Variants in FANCD2 observed in about 807,000 individuals in gnomAD.
The protein encoded by FANCD2 is Fanconi anemia group D2 protein.
In FANCD2, 131 loss-of-function variants were observed where a neutral mutation model predicts 192.3. The ratio of observed to expected loss-of-function variants is 0.68; its 90% CI spans 0.59 to 0.79. The LOEUF is 0.79. FANCD2 is among the 30% of genes least tolerant of loss of function. The pLI is 0.00. For synonymous variants in FANCD2, 524 were observed against 612.5 expected (o/e 0.86, Z 2.13); for missense variants, 1,508 against 1,701.6 (o/e 0.89, Z 2.00).
chr3:10,041,738 A>G (rs1466723324), intron 10 of FANCD2, 28 bp downstream of exon 10: 1 of 1,540,970 alleles, frequency 6.5e-7, no homozygotes, highest in East Asian at 2.2e-5. Context: ...TTCCAGAAAC[A>G]GAGCCAGCTT....
chr3:10,060,169 A>AG, intron 18 of FANCD2, 125 bp from the exon 19 acceptor site: 2 of 546,904 alleles, frequency 3.7e-6, no homozygotes, highest in Non-Finnish European at 6.3e-6. Flanking sequence ...GTCCGTCTCA[A>AG]AAAAAAAAAA....
chr3:10,078,000 A>G, intron 29 of FANCD2, 81 bp from the exon 30 acceptor site: 2 of 1,023,766 alleles, frequency 2.0e-6, no homozygotes, highest in South Asian at 1.3e-5. Context: ...GCCACTGCAC[A>G]TTTAACAAAA....
intron 29 of FANCD2, among the ~76,000 whole-genome samples, chr3:10,077,282 C>T (rs1403875701): frequency 4.6e-5 from 7 of 152,054 alleles, no homozygotes; most frequent in Non-Finnish European, 7.4e-5. Flanking sequence ...CCCTGCTGGG[C>T]GCAGTGGCTC....
At chr3:10,084,631 T>C (rs1472336692) in intron 32 of FANCD2, among the ~76,000 whole-genome samples, 2 of 152,144 alleles carry the variant, frequency 1.3e-5, no homozygotes, top group Non-Finnish European at 2.9e-5. Flanking sequence ...ATGAAGTGTA[T>C]TGTACATCAA....
At chr3:10,035,130 C>G (rs780825044) in intron 5 of FANCD2, 43 bp from the exon 6 acceptor site, 1 of 1,524,286 alleles carries the variant, frequency 6.6e-7, no homozygotes. Flanking sequence ...AGCATTAAAA[C>G]AAGGAAAGCA....
At chr3:10,094,006 C>T (rs2125090035) in intron 39 of FANCD2, among the ~76,000 whole-genome samples, 1 of 152,294 alleles carries the variant, frequency 6.6e-6, no homozygotes, top group Non-Finnish European at 1.5e-5. Context: ...AGATAGAGCT[C>T]CCCTCTACTC....
rs1168969680 is a variant in FANCD2, at chr3:10,072,890, T to G, written c.2514T>G (p.Pro838=). The part of the protein sequence containing the change: ...KYLAVTPDYV[P]PLGNFDVETL... ...TTTCAGTCACCCCAGACTATGTCCCTCCTCTTGGAAACTTTGATGTGGAAA... is the reference window on the plus strand; with the variant it reads ...TTTCAGTCACCCCAGACTATGTCCCGCCTCTTGGAAACTTTGATGTGGAAA... Residue 838 remains proline, a synonymous_variant, in exon 27 of 44, where the codon CCT becomes CCG. Coordinates refer to ENST00000675286, the MANE Select transcript of FANCD2 (RefSeq NM_001018115.3). 6 of 1,605,772 alleles carry G rather than the reference T, an allele frequency of 3.7e-6. No individual in the cohort carries two copies. Among genetic ancestry groups the G allele is most frequent in the South Asian group, 3.3e-5 (3 of 90,904 alleles).
intron 7 of FANCD2, among the ~76,000 whole-genome samples, chr3:10,038,203 G>A (rs1356258988): frequency 1.3e-5 from 2 of 152,126 alleles, no homozygotes; most frequent in African/African-American, 4.8e-5. Context: ...TGTTGGCCAG[G>A]CTGGCCTCGA....
intron 26 of FANCD2, among the ~76,000 whole-genome samples, chr3:10,071,054 G>A (rs1459721208): frequency 7.0e-6 from 1 of 142,374 alleles, no homozygotes; most frequent in Non-Finnish European, 1.5e-5. Flanking sequence ...TTTATCTGCC[G>A]ACCTTCCCTC....
rs540862844 is a variant in FANCD2, at chr3:10,060,227, C to T, written c.1657-67C>T. The T allele has an allele frequency of 1.2e-5, 13 of 1,094,612 alleles. No individual in the cohort carries two copies. The African/African-American group carries it at 1.2e-4, about 10-fold the overall frequency. 67.8% of individuals were successfully genotyped at this position (1,094,612 alleles called of 1,614,324 possible). ...GCCTTTATAGTCTAGCTATATGGCTCGATATCCATACCTTCTTTTGCTGTG... is the reference window on the plus strand; with the variant it reads ...GCCTTTATAGTCTAGCTATATGGCTTGATATCCATACCTTCTTTTGCTGTG... On this transcript the variant is annotated intron_variant, in intron 18 of 43. Transcript: ENST00000675286.
chr3:10,057,537 G>A (rs565152570), intron 18 of FANCD2, among the ~76,000 whole-genome samples: 162 of 152,036 alleles, frequency 1.1e-3, no homozygotes, highest in African/African-American at 3.7e-3. Flanking sequence ...GTTAATTTTT[G>A]TATTTTTAGT....
chr3:10,038,115 C>T (rs35043882), intron 7 of FANCD2, among the ~76,000 whole-genome samples: 34 of 152,216 alleles, frequency 2.2e-4, no homozygotes, highest in African/African-American at 6.0e-4. Flanking sequence ...CTCAGCCCCC[C>T]GAGTAGCTGG....
intron 7 of FANCD2, among the ~76,000 whole-genome samples, chr3:10,038,879 CTT>C (rs1210415831): frequency 2.0e-5 from 3 of 152,174 alleles, no homozygotes; most frequent in Non-Finnish European, 2.9e-5. Flanking sequence ...CTGCATCTGA[CTT>C]ATGCTTGCCT....
At chr3:10,046,232 TTTAGTAGAGA>T (rs1228251953) in intron 14 of FANCD2, among the ~76,000 whole-genome samples, 4 of 151,940 alleles carry the variant, frequency 2.6e-5, no homozygotes, top group African/African-American at 9.7e-5. Flanking sequence ...TTTTTGTATT[TTTAGTAGAGA>T]CGGGGTTTCA....
At position 10,085,901 on chromosome 3, in the gene FANCD2, A is replaced by G. The variant is rs1477809820; in HGVS notation, c.3314A>G (p.Gln1105Arg). The part of the protein sequence containing the change: ...SSRLKQGEHS[Q>R]PLEELLSQSV... ...CGACTGAAACAGGGAGAACACAGCCAGCCTTTGGAGGAACTACTCAGGTGA... is the reference window on the plus strand; with the variant it reads ...CGACTGAAACAGGGAGAACACAGCCGGCCTTTGGAGGAACTACTCAGGTGA... Residue 1105 changes from glutamine to arginine, a missense_variant, in exon 33 of 44, where the codon CAG (glutamine) becomes CGG (arginine). By Grantham distance (43) the Gln-to-Arg change is conservative. Transcript: ENST00000675286. The G allele has an allele frequency of 6.2e-7, 1 of 1,612,312 alleles. No individual in the cohort carries two copies.
At chr3:10,078,504 G>T (rs1575818394) in intron 30 of FANCD2, among the ~76,000 whole-genome samples, 1 of 152,120 alleles carries the variant, frequency 6.6e-6, no homozygotes, top group Non-Finnish European at 1.5e-5. Context: ...ACAGGTGCCT[G>T]CCACCACGCC....
chr3:10,056,194 T>C (rs1056285960), intron 18 of FANCD2, among the ~76,000 whole-genome samples: 1 of 152,236 alleles, frequency 6.6e-6, no homozygotes, highest in Admixed American at 6.5e-5. Flanking sequence ...TCTTTGTTTA[T>C]ACCACATTTT....
chr3:10,075,567 T>C (rs556330979), intron 29 of FANCD2, among the ~76,000 whole-genome samples: 1 of 152,270 alleles, frequency 6.6e-6, no homozygotes, highest in East Asian at 1.9e-4. Context: ...GATGTTTATA[T>C]AGAAGTTGGG....
intron 42 of FANCD2, among the ~76,000 whole-genome samples, chr3:10,096,830 T>C (rs1694995604): frequency 6.6e-6 from 1 of 152,230 alleles, no homozygotes; most frequent in Admixed American, 6.5e-5. Context: ...TTTCTTTTGT[T>C]ATTTTTTTTC....
Sources: gnomAD v4.1 joint callset for allele counts (sites outside exome capture counted in the v4.1 genomes callset) on GRCh38, gnomAD v4.1.1 for gene constraint, MANE v1.5 for transcripts, NCBI Gene and HGNC (gene_info 2026-07-23, HGNC 2026-07-21) for gene names.